AKNA: variants seen among roughly 807,000 people sequenced by gnomAD.
AKNA encodes AT-hook transcription factor, also known as microtubule organization protein AKNA.
A neutral mutation model predicts 138.8 loss-of-function variants in AKNA; 67 were observed. The ratio of observed to expected loss-of-function variants is 0.48; its 90% confidence interval spans 0.40 to 0.59. The LOEUF is 0.59. Ranked by LOEUF, AKNA falls within the 20% of genes least tolerant of loss-of-function variation. The pLI is 0.00. For missense variants in AKNA, 1,813 were observed against 1,880.4 expected (o/e 0.96, Z 0.66); for synonymous variants, 737 against 754.4 (o/e 0.98, Z 0.38).
At chr9:114,331,013 C>T (rs1829842228), downstream of AKNA, 3 of 636,706 alleles carry the variant, frequency 4.7e-6, no homozygotes, top group East Asian at 2.7e-5. Flanking sequence ...AGAAAAAATC[C>T]CTAAGAAGAC....
rs1195879757 is a variant in AKNA at position 114,336,841 on chromosome 9, T to C, written c.*213A>G. 2 of 515,896 alleles carry C rather than the reference T, an allele frequency of 3.9e-6. No homozygotes were observed. The highest frequency in any genetic ancestry group is 3.2e-6 in the Non-Finnish European group (1 of 314,502). 32.0% of individuals were successfully genotyped at this position (515,896 alleles called of 1,614,324 possible). ...CACAGCACCTCTGTGAGGGGACTGG[T>C]GCTCCTGGGAAGTCACTTCTCTTGG... On this transcript the variant is annotated 3_prime_UTR_variant, in exon 22 of 22. Transcript: ENST00000374088.
intron 1 of AKNA, among the ~76,000 whole-genome samples, chr9:114,387,353 C>T (rs1346940099): frequency 1.3e-5 from 2 of 152,348 alleles, no homozygotes; most frequent in Admixed American, 6.5e-5. Flanking sequence ...CTGGCTGTTG[C>T]CAGCTCTGGT....
intron 4 of AKNA, among the ~76,000 whole-genome samples, chr9:114,369,772 AC>A (rs1213050226): frequency 2.0e-5 from 3 of 152,074 alleles, no homozygotes; most frequent in African/African-American, 7.2e-5. Flanking sequence ...AATCACTATT[AC>A]CATCACCATC....
chr9:114,362,524 G>A lies in AKNA; in HGVS notation c.1798C>T (p.Arg600Trp), dbSNP rs148943939. 4.4e-4 allele frequency: 710 copies of A among 1,612,802 alleles called. No homozygotes were observed. The highest frequency in any genetic ancestry group is 1.9e-3 in the African/African-American group (145 of 75,024). ...AGGGCCGCGTGGGCAGCCTTCAGCCGCTGGAAGCCCTGAAACCAGACCAGG... is the reference window on the plus strand; with the variant it reads ...AGGGCCGCGTGGGCAGCCTTCAGCCACTGGAAGCCCTGAAACCAGACCAGG... Reference protein sequence around the residue: ...MPQDQVKGFQRLKAAHAALEE... With the variant: ...MPQDQVKGFQWLKAAHAALEE... The change falls in exon 8 of 22, where the codon CGG (arginine) becomes TGG (tryptophan). Residue 600 changes from arginine (R) to tryptophan (W), a missense_variant. Physicochemically the swap from Arg to Trp is moderately radical, Grantham distance 101 (BLOSUM62 -3). Transcript: ENST00000374088.
intron 8 of AKNA, 29 bp downstream of exon 8, chr9:114,362,377 C>T: frequency 6.3e-7 from 1 of 1,597,292 alleles, no homozygotes; most frequent in Non-Finnish European, 8.5e-7. Flanking sequence ...TCCCATCTGT[C>T]CTTCCAGGCC....
chr9:114,361,925 A>G lies in AKNA; in HGVS notation c.1917-14T>C. On this transcript the variant is annotated splice_polypyrimidine_tract_variant and intron_variant, in intron 8 of 21. Transcript: ENST00000374088. Reference sequence around the variant, plus strand: ...GCCTCCAGCTCCCTGGAATGCAGAAACATTACCACCAGGAGCCCAAGATGG... The same window carrying G: ...GCCTCCAGCTCCCTGGAATGCAGAAGCATTACCACCAGGAGCCCAAGATGG... 6.3e-7 allele frequency: 1 copy of G among 1,599,824 alleles called. No homozygotes were observed. Among genetic ancestry groups the G allele is most frequent in the Non-Finnish European group, 8.5e-7 (1 of 1,179,774 alleles).
In AKNA at chr9:114,356,114, G is replaced by A; in HGVS notation, c.2869C>T (p.Pro957Ser). The A allele has an allele frequency of 6.2e-7, 1 of 1,613,896 alleles. No homozygotes were observed. The highest frequency in any genetic ancestry group is 8.5e-7 in the Non-Finnish European group (1 of 1,179,924). ...TCCCTGGGCACAGATGCAGCAAAGG[G>A]CTGGGCTAATGTTCCTGCTGTGCTG... ...HISTAGTLAQ[P>S]FAASVPRDGA... Residue 957 changes from proline (P) to serine (S), a missense_variant, in exon 14 of 22, where the codon CCC becomes TCC. Pro to Ser is a moderately conservative substitution (Grantham distance 74, BLOSUM62 -1). Transcript: ENST00000374088.
chr9:114,396,423 G>A (rs1004510745), upstream of AKNA, among the ~76,000 whole-genome samples: 3 of 152,176 alleles, frequency 2.0e-5, no homozygotes, highest in South Asian at 6.2e-4. Flanking sequence ...GCTCACGCCT[G>A]TAATCCCAGC....
intron 14 of AKNA, among the ~76,000 whole-genome samples, chr9:114,354,960 C>T (rs545373714): frequency 2.7e-5 from 4 of 149,910 alleles, no homozygotes; most frequent in African/African-American, 7.4e-5. Context: ...CCTCTGCCTC[C>T]GCCTCCTGGG....
chr9:114,368,314 GGCCTTGCCTCCCTCCTT>G (rs1340870567), intron 5 of AKNA, 108 bp downstream of exon 5: 2 of 1,111,410 alleles, frequency 1.8e-6, no homozygotes, highest in Non-Finnish European at 2.3e-6. Context: ...CCCAGGGTGG[GGCCTTGCCTCCCTCCTT>G]CCCCTGGCCT....
At chr9:114,352,266 A>G (rs7863727) in intron 14 of AKNA, among the ~76,000 whole-genome samples, 63,216 of 152,090 alleles carry the variant, frequency 0.42, 15,098 homozygotes, top group Middle Eastern at 0.57. Flanking sequence ...ATTATTTCTT[A>G]TAACTGCATG....
At chr9:114,377,687 C>T in intron 2 of AKNA, 155 bp from the exon 3 acceptor site, 1 of 758,466 alleles carries the variant, frequency 1.3e-6, no homozygotes, top group Non-Finnish European at 2.1e-6. Flanking sequence ...AAGTGCTTGT[C>T]TGATACCTGA....
At chr9:114,341,770 G>C (rs919724959) in intron 20 of AKNA, 45 bp from the exon 21 acceptor site, 37 of 1,525,040 alleles carry the variant, frequency 2.4e-5, no homozygotes, top group Non-Finnish European at 3.2e-5. Flanking sequence ...CTGACCACTT[G>C]GCAGATCCAG....
chr9:114,350,711 TG>T, intron 15 of AKNA, 147 bp downstream of exon 15: 1 of 831,516 alleles, frequency 1.2e-6, no homozygotes, highest in Non-Finnish European at 1.8e-6. Context: ...CGCTGGGAAC[TG>T]GGAGGCAGGA....
Position 114,335,771 on chromosome 9 carries a change from C to CAAAAAAAAAAAAAAAAG in AKNA, c.*1282_*1283insCTTTTTTTTTTTTTTTT, listed in dbSNP as rs1829962158. Reference sequence around the variant, plus strand: ...GGGCAACCAGAGCAAAACTCAGTCTCAAAAAAAAAAAAAAAAAGAAAAAGA... The same window carrying CAAAAAAAAAAAAAAAAG: ...GGGCAACCAGAGCAAAACTCAGTCTCAAAAAAAAAAAAAAAAGAAAAAAAAAAAAAAAAAGAAAAAGA... On this transcript the variant is annotated 3_prime_UTR_variant, in exon 22 of 22. Transcript: ENST00000374088. 1 of 101,686 alleles carries CAAAAAAAAAAAAAAAAG rather than the reference C, an allele frequency of 9.8e-6. No individual in the cohort carries two copies. Among genetic ancestry groups the CAAAAAAAAAAAAAAAAG allele is most frequent in the African/African-American group, 3.6e-5 (1 of 27,622 alleles). 6.3% of individuals were successfully genotyped at this position (101,686 alleles called of 1,614,324 possible).
At chr9:114,374,056 C>T (rs1181365078) in intron 4 of AKNA, 37 bp downstream of exon 4, 7 of 1,548,808 alleles carry the variant, frequency 4.5e-6, no homozygotes, top group African/African-American at 1.4e-5. Flanking sequence ...TCCTCGGGGA[C>T]TTGGGCCCAT....
At chr9:114,331,702 A>T, downstream of AKNA, 1 of 1,602,486 alleles carries the variant, frequency 6.2e-7, no homozygotes, top group Non-Finnish European at 8.5e-7. Context: ...CCCCAAACTC[A>T]TGCCCCTCTC....
At chr9:114,377,648 A>G in intron 2 of AKNA, 116 bp from the exon 3 acceptor site, 1 of 1,060,810 alleles carries the variant, frequency 9.4e-7, no homozygotes, top group Non-Finnish European at 1.3e-6. Flanking sequence ...GGGGATGGAA[A>G]GAATCCCAAG....
chr9:114,347,722 A>G lies in AKNA; in HGVS notation c.3398+2T>C, dbSNP rs780657223. The G allele has an allele frequency of 2.6e-6, 4 of 1,515,946 alleles. No individual in the cohort carries two copies. Among genetic ancestry groups the G allele is most frequent in the Admixed American group, 2.3e-5 (1 of 44,078 alleles). The allele number at this position is 1,515,946 out of a possible 1,614,324, so 93.9% of individuals were successfully genotyped here. On this transcript the variant is annotated splice_donor_variant, in intron 16 of 21. Transcript: ENST00000374088. LOFTEE classifies it high-confidence loss of function. ...AGAGGTGGGAGTTTTGAGGTCACCC[A>G]CCTGCCATAATGGGAGCCCCAGGTG...
Sources: allele counts gnomAD v4.1 joint callset (sites outside exome capture counted in the v4.1 genomes callset), GRCh38; gene constraint gnomAD v4.1.1; transcripts MANE v1.5; gene names NCBI Gene and HGNC (gene_info 2026-07-23, HGNC 2026-07-21).